REV3L: variants seen among roughly 807,000 people sequenced by gnomAD.
The protein encoded by REV3L is REV3 like, DNA directed polymerase zeta catalytic subunit.
A neutral mutation model predicts 299.4 loss-of-function variants in REV3L; 69 were observed. The observed-to-expected ratio is 0.23, with a 90% CI of 0.19 to 0.28. The LOEUF (loss-of-function observed/expected upper bound fraction) is 0.28. Ranked by LOEUF, REV3L falls within the 10% of genes least tolerant of loss-of-function variation. REV3L has a pLI of 1.00. For synonymous variants in REV3L, 1,238 were observed against 1,271.4 expected (o/e 0.97, Z 0.56); for missense variants, 3,128 against 3,693.8 (o/e 0.85, Z 3.97).
At chr6:111,307,950 G>T in intron 30 of REV3L, 1 of 221,182 alleles carries the variant, frequency 4.5e-6, no homozygotes, top group South Asian at 5.0e-5. Flanking sequence ...CCCACCCCCC[G>T]ACAGGCCCTG....
chr6:111,413,833 A>G (rs1784499515), intron 2 of REV3L, among the ~76,000 whole-genome samples: 1 of 152,148 alleles, frequency 6.6e-6, no homozygotes, highest in Admixed American at 6.6e-5. Flanking sequence ...AAAATACAGG[A>G]AGATAAGTGA....
At chr6:111,353,495 G>A (rs1225137744) in intron 18 of REV3L, among the ~76,000 whole-genome samples, 1 of 152,112 alleles carries the variant, frequency 6.6e-6, no homozygotes, top group South Asian at 2.1e-4. Context: ...ACATTCTGTA[G>A]TATAAATTTT....
intron 1 of REV3L, among the ~76,000 whole-genome samples, chr6:111,450,105 G>A (rs1442658235): frequency 2.0e-5 from 3 of 152,022 alleles, no homozygotes; most frequent in Non-Finnish European, 2.9e-5. Flanking sequence ...CAGAAATGCC[G>A]GAATTAAAGA....
upstream of REV3L, chr6:111,483,550 GT>G: frequency 2.0e-6 from 1 of 495,000 alleles, no homozygotes; most frequent in Non-Finnish European, 3.9e-6. Flanking sequence ...GTTCGGGGCC[GT>G]TTTGGCGGCT....
intron 1 of REV3L, among the ~76,000 whole-genome samples, chr6:111,421,626 T>TAAA (rs111791136): frequency 6.6e-6 from 1 of 151,932 alleles, no homozygotes; most frequent in Non-Finnish European, 1.5e-5. Flanking sequence ...TTTTTTTTTT[T>TAAA]AAAGCTGATG....
chr6:111,391,002 C>CA (rs1187095189), intron 5 of REV3L, among the ~76,000 whole-genome samples: 1 of 151,720 alleles, frequency 6.6e-6, no homozygotes, highest in Non-Finnish European at 1.5e-5. Flanking sequence ...AGGGGAGATC[C>CA]TTAATTTTAC....
Position 111,483,109 on chromosome 6 carries a change from C to T in REV3L, c.-221G>A, listed in dbSNP as rs1381798094. The T allele has an allele frequency of 3.8e-6, 2 of 522,664 alleles. No homozygotes were observed. Among genetic ancestry groups the T allele is most frequent in the African/African-American group, 4.0e-5 (2 of 49,598 alleles). 32.4% of individuals were successfully genotyped at this position (522,664 alleles called of 1,614,324 possible). A position where few individuals can be genotyped will look rare whatever the true frequency, so the allele number is the denominator to read the frequency against. On this transcript the variant is annotated 5_prime_UTR_variant, in exon 1 of 32. Transcript: ENST00000368802. ...CGGCAAGGGGCCGCAGGAGAGAAGC[C>T]CTCGAGCTTTCGTCGGTGCTGGTGC... is the stretch of plus-strand genomic sequence containing the variant.
chr6:111,470,751 G>A (rs532438228), intron 1 of REV3L, among the ~76,000 whole-genome samples: 1 of 152,294 alleles, frequency 6.6e-6, no homozygotes, highest in South Asian at 2.1e-4. Flanking sequence ...AGGCCAAGGT[G>A]AGCAGATCAC....
chr6:111,338,545 C>G (rs1256382113), intron 21 of REV3L, among the ~76,000 whole-genome samples: 2 of 150,622 alleles, frequency 1.3e-5, no homozygotes, highest in African/African-American at 2.4e-5. Context: ...ATATACATAA[C>G]TGTTACGGTG....
rs879550438 is a variant in REV3L at position 111,437,439 on chromosome 6, C to T, written c.140-20967G>A. 7.3e-5 allele frequency among the ~76,000 whole-genome samples: 11 copies of T among 151,618 alleles called. No individual in the cohort carries two copies. The East Asian group carries it at 1.7e-3, about 24-fold the overall frequency. ...GAATGAAGTGCTGATAAATGCTATA[C>T]TATATATAAAATTAAAATATTTCAA... is the stretch of plus-strand genomic sequence containing the variant. On this transcript the variant is annotated intron_variant, in intron 1 of 31. Transcript: ENST00000368802.
At chr6:111,311,019 C>G in intron 29 of REV3L, 50 bp downstream of exon 29, 1 of 1,466,006 alleles carries the variant, frequency 6.8e-7, no homozygotes, top group Non-Finnish European at 9.2e-7. Context: ...TCTTCTAGAC[C>G]TGTGCAGAAT....
intron 1 of REV3L, among the ~76,000 whole-genome samples, chr6:111,422,607 TATATACACATATATATATATATAC>T (rs1582929992): frequency 1.7e-4 from 3 of 17,882 alleles, no homozygotes; most frequent in Non-Finnish European, 2.5e-4. Context: ...CATATATATA[TATATACACATATATATATATATAC>T]ACATATATAT....
chr6:111,359,175 A>G (rs993580482), intron 16 of REV3L, among the ~76,000 whole-genome samples, 161 bp from the exon 17 acceptor site: 3 of 152,198 alleles, frequency 2.0e-5, no homozygotes, highest in African/African-American at 7.2e-5. Context: ...AAAACGAAAG[A>G]TTTTTAATCC....
intron 17 of REV3L, among the ~76,000 whole-genome samples, chr6:111,358,208 T>A (rs1562176064): frequency 6.6e-6 from 1 of 152,144 alleles, no homozygotes; most frequent in Non-Finnish European, 1.5e-5. Flanking sequence ...TAAAGAGATA[T>A]AAGCAAAGTA....
rs372568291 is a variant in REV3L at position 111,372,944 on chromosome 6, C to A, written c.5411G>T (p.Arg1804Ile). 20 of 1,613,962 alleles carry A rather than the reference C, an allele frequency of 1.2e-5. No homozygotes were observed. The African/African-American group carries it at 2.7e-4, about 22-fold the overall frequency. ...GTCAAGAGACTGTCCCATTTCTTTT[C>A]TGGTGTGACCTTGAATCCAGTCTGA... Reference protein sequence around the residue: ...NNSDWIQGHTRKEMGQSLDSA... With the variant: ...NNSDWIQGHTIKEMGQSLDSA... Residue 1804 changes from arginine to isoleucine, a missense_variant, in exon 13 of 32, where the codon AGA becomes ATA. By Grantham distance (97) the Arg-to-Ile change is moderately conservative. Transcript: ENST00000368802.
rs1789645327 is a variant in REV3L at position 111,452,319 on chromosome 6, C to T, written c.139+30431G>A. ...ATCTGGCTGTTTCTTATGAAGTAAA[C>T]TTACCATTCAACCCAACAATCCCAC... On this transcript the variant is annotated intron_variant, in intron 1 of 31. Transcript: ENST00000368802. Among the ~76,000 whole-genome samples the T allele has an allele frequency of 5.3e-5, 8 of 152,236 alleles. No individual in the cohort carries two copies. The South Asian group carries it at 1.7e-3, about 32-fold the overall frequency.
At chr6:111,477,471 G>C (rs1793074031) in intron 1 of REV3L, among the ~76,000 whole-genome samples, 1 of 152,208 alleles carries the variant, frequency 6.6e-6, no homozygotes, top group African/African-American at 2.4e-5. Flanking sequence ...CCTGAGGAAA[G>C]ATAAATCGAA....
At chr6:111,313,124 C>G in intron 28 of REV3L, 1 of 352,574 alleles carries the variant, frequency 2.8e-6, no homozygotes, top group Non-Finnish European at 5.0e-6. Flanking sequence ...GATTGGACTA[C>G]TGCACTCCAG....
At chr6:111,326,000 A>AT (rs77043842) in intron 25 of REV3L, among the ~76,000 whole-genome samples, 13,303 of 151,946 alleles carry the variant, frequency 0.088, 648 homozygotes, top group South Asian at 0.19. Flanking sequence ...TTTAGTTTCC[A>AT]TAAGAGTGAG....
Sources: allele counts gnomAD v4.1 joint callset (sites outside exome capture counted in the v4.1 genomes callset), GRCh38; gene constraint gnomAD v4.1.1; transcripts MANE v1.5; gene names NCBI Gene and HGNC (gene_info 2026-07-23, HGNC 2026-07-21).